Variants in SUCLA2 observed in about 807,000 individuals in gnomAD.
SUCLA2 encodes succinate--CoA ligase [ADP-forming] subunit beta, mitochondrial.
SUCLA2 carries 30 observed loss-of-function variants against 54.8 expected under a neutral mutation model. The ratio of observed to expected loss-of-function variants is 0.55; its 90% confidence interval spans 0.41 to 0.74. The LOEUF (loss-of-function observed/expected upper bound fraction) is 0.74, where lower values mean the gene tolerates loss of function less well. SUCLA2 is among the 30% of genes least tolerant of loss of function. SUCLA2 has a pLI of 0.00. For missense variants in SUCLA2, 476 were observed against 562.9 expected (o/e 0.85, Z 1.56); for synonymous variants, 172 against 188.9 (o/e 0.91, Z 0.74).
At chr13:47,988,443 C>T (rs981156552) in intron 4 of SUCLA2, 98 bp downstream of exon 4, 67 of 1,389,100 alleles carry the variant, frequency 4.8e-5, no homozygotes, top group Non-Finnish European at 6.5e-5. Flanking sequence ...ATAATTTGTA[C>T]TTTTAAAATC....
At chr13:47,963,199 G>A (rs9567964) in intron 6 of SUCLA2, among the ~76,000 whole-genome samples, 95,057 of 152,114 alleles carry the variant, frequency 0.62, 30,665 homozygotes, top group East Asian at 0.77. Context: ...TTTTGGTAAC[G>A]AAAGGAATAA....
chr13:47,969,577 T>G (rs906142785), intron 5 of SUCLA2, among the ~76,000 whole-genome samples: 2 of 152,194 alleles, frequency 1.3e-5, no homozygotes, highest in Non-Finnish European at 2.9e-5. Flanking sequence ...TGTTTCAAGT[T>G]CCATGAGCAA....
At chr13:47,978,576 A>G (rs9567966) in intron 4 of SUCLA2, among the ~76,000 whole-genome samples, 14,618 of 152,284 alleles carry the variant, frequency 0.096, 813 homozygotes, top group South Asian at 0.18. Context: ...AAGAAAACCT[A>G]GGCAATACCA....
intron 10 of SUCLA2, among the ~76,000 whole-genome samples, chr13:47,948,027 TA>T (rs1370559924): frequency 6.6e-6 from 1 of 152,212 alleles, no homozygotes; most frequent in African/African-American, 2.4e-5. Flanking sequence ...TGTATTTTTA[TA>T]AAACATAACC....
At chr13:47,981,077 A>T (rs973055382) in intron 4 of SUCLA2, among the ~76,000 whole-genome samples, 1 of 152,166 alleles carries the variant, frequency 6.6e-6, no homozygotes, top group Non-Finnish European at 1.5e-5. Flanking sequence ...CACAGGCAGA[A>T]AAAAAGCAAA....
rs1949815564 is a variant in SUCLA2 at position 47,955,744 on chromosome 13, C to T, written c.803-1187G>A. ...ACTCTAATCAGGCTTTTACTCCCAG[C>T]ACTCTACCAAAATGGCTCTTAACAA... On this transcript the variant is annotated intron_variant, in intron 6 of 10. Coordinates refer to ENST00000646932, the MANE Select transcript of SUCLA2 (RefSeq NM_003850.3). Among the ~76,000 whole-genome samples the T allele has an allele frequency of 2.0e-5, 3 of 152,236 alleles. No individual in the cohort carries two copies. The South Asian group carries it at 6.2e-4, about 32-fold the overall frequency.
At chr13:47,965,501 A>C (rs1271444333) in intron 6 of SUCLA2, 6 of 389,456 alleles carry the variant, frequency 1.5e-5, no homozygotes, top group Non-Finnish European at 1.8e-5. Context: ...CTTTAAAAAA[A>C]AAAAAACAAA....
chr13:47,981,689 G>A (rs369299624), intron 4 of SUCLA2, among the ~76,000 whole-genome samples: 15 of 152,280 alleles, frequency 9.9e-5, no homozygotes, highest in Admixed American at 2.6e-4. Context: ...GGTGGTGCAC[G>A]CCTGTAGTCC....
At position 47,974,002 on chromosome 13, in the gene SUCLA2, G is replaced by C. The variant is rs112607817; in HGVS notation, c.535-610C>G. ...TACTTAATGTAGATGACAGGTTGAT[G>C]GGTGCAGCAAACCACCATGGCACAT... is the stretch of plus-strand genomic sequence containing the variant. On this transcript the variant is annotated intron_variant, in intron 4 of 10. Coordinates refer to ENST00000646932, the MANE Select transcript of SUCLA2 (RefSeq NM_003850.3). Among the ~76,000 whole-genome samples, 472 of 151,986 alleles carry C rather than the reference G, an allele frequency of 3.1e-3. 1 individual carries two copies. Among genetic ancestry groups the C allele is most frequent in the Non-Finnish European group, 4.3e-3 (295 of 67,992 alleles).
At position 47,943,424 on chromosome 13, in the gene SUCLA2, C is replaced by A; in HGVS notation, c.1339G>T (p.Val447Leu). Residue 447 changes from valine (V) to leucine (L), a missense_variant, in exon 11 of 11, where the codon GTG becomes TTG. This residue lies in a region of SUCLA2 where 342 missense variants were observed against 444.2 expected (regional missense o/e 0.77). Coordinates refer to ENST00000646932, the MANE Select transcript of SUCLA2 (RefSeq NM_003850.3). ...ARMVVKLSEI[V>L]TLAKQAHVDV... is the part of the protein sequence containing the mutation. ...ACATGTGCTTGCTTCGCTAAGGTCA[C>A]TATTTCAGAGAGCTTTACAACCTAA... The A allele has an allele frequency of 6.2e-7, 1 of 1,613,846 alleles. No homozygotes were observed. The highest frequency in any genetic ancestry group is 8.5e-7 in the Non-Finnish European group (1 of 1,179,854).
At chr13:47,975,702 G>A (rs9534889) in intron 4 of SUCLA2, among the ~76,000 whole-genome samples, 110,904 of 152,048 alleles carry the variant, frequency 0.73, 41,388 homozygotes, top group Non-Finnish European at 0.82. Flanking sequence ...CAAGGAATTC[G>A]GATGACTTTT....
intron 6 of SUCLA2, among the ~76,000 whole-genome samples, chr13:47,955,037 AG>A (rs1949808733): frequency 6.6e-6 from 1 of 152,098 alleles, no homozygotes; most frequent in South Asian, 2.1e-4. Flanking sequence ...CTTAATAAAA[AG>A]AAAAAAAAAT....
intron 6 of SUCLA2, among the ~76,000 whole-genome samples, chr13:47,959,403 A>G (rs1448903752): frequency 6.7e-6 from 1 of 148,500 alleles, no homozygotes; most frequent in South Asian, 2.2e-4. Flanking sequence ...CAAATAAGAA[A>G]GAAGAAGGGA....
intron 2 of SUCLA2, among the ~76,000 whole-genome samples, chr13:47,989,488 G>A (rs1341229336): frequency 6.7e-6 from 1 of 149,238 alleles, no homozygotes; most frequent in East Asian, 1.9e-4. Context: ...TGGGATTACA[G>A]GCGTGAGCCA....
chr13:47,955,291 T>TC (rs989657772), intron 6 of SUCLA2, among the ~76,000 whole-genome samples: 1 of 152,116 alleles, frequency 6.6e-6, no homozygotes, highest in Non-Finnish European at 1.5e-5. Flanking sequence ...AACCTCCACC[T>TC]CCCAGGCTCA....
chr13:47,979,595 C>T (rs9534892), intron 4 of SUCLA2, among the ~76,000 whole-genome samples: 110,786 of 151,940 alleles, frequency 0.73, 41,336 homozygotes, highest in Non-Finnish European at 0.82. Flanking sequence ...ATGTAACAAA[C>T]CTGCACATTC....
In SUCLA2 at chr13:47,967,387, G is replaced by C. The variant is rs376034359; in HGVS notation, c.802+1208C>G. Among the ~76,000 whole-genome samples the C allele has an allele frequency of 4.2e-4, 64 of 152,108 alleles. No individual in the cohort carries two copies. In the East Asian group the frequency reaches 9.8e-3, roughly 23 times the overall value. On this transcript the variant is annotated intron_variant, in intron 6 of 10. Transcript: ENST00000646932. ...CTAAAAAACTAAAAGTAAAGCTAAA[G>C]TAAAATATTAATTGATTAAAGACTT...
chr13:47,955,164 G>A (rs988534798), intron 6 of SUCLA2, among the ~76,000 whole-genome samples: 1 of 152,082 alleles, frequency 6.6e-6, no homozygotes, highest in African/African-American at 2.4e-5. Flanking sequence ...GAAATAGAGG[G>A]GTGAGCAAAC....
Position 47,954,137 on chromosome 13 carries a change from T to C in SUCLA2, c.1107+3A>G, listed in dbSNP as rs1949798905. 6.2e-7 allele frequency: 1 copy of C among 1,612,992 alleles called. No individual in the cohort carries two copies. The highest frequency in any genetic ancestry group is 1.7e-5 in the Admixed American group (1 of 59,888). On this transcript the variant is annotated splice_donor_region_variant and intron_variant, in intron 8 of 10. Transcript: ENST00000646932. ...ATAAAAATATATCAAGCCCTGCCCT[T>C]ACCTTTTTATCTGAAGTGATAAGCT...
Sources: allele counts gnomAD v4.1 joint callset (sites outside exome capture counted in the v4.1 genomes callset), GRCh38; gene constraint gnomAD v4.1.1; regional missense constraint gnomAD v4.1.1; transcripts MANE v1.5; gene names NCBI Gene and HGNC (gene_info 2026-07-23, HGNC 2026-07-21).